LRRC4C: variants seen among roughly 807,000 people sequenced by gnomAD.
The protein encoded by LRRC4C is leucine rich repeat containing 4C.
In LRRC4C, 5 loss-of-function variants were observed where a neutral mutation model predicts 33.6. The ratio of observed to expected loss-of-function variants is 0.15; its 90% CI spans 0.08 to 0.31. The LOEUF (loss-of-function observed/expected upper bound fraction) is 0.31, where lower values mean the gene tolerates loss of function less well. Among genes scored for constraint, LRRC4C ranks in the 10% least tolerant of loss-of-function variants. The pLI, the probability that LRRC4C is intolerant of heterozygous loss-of-function variation, is 1.00. For synonymous variants in LRRC4C, 329 were observed against 302.0 expected (o/e 1.09, Z -0.93); for missense variants, 560 against 796.7 (o/e 0.70, Z 3.58).
At position 40,326,532 on chromosome 11, in the gene LRRC4C, G is replaced by A. The variant is rs574051398; in HGVS notation, c.-269-6811C>T. Among the ~76,000 whole-genome samples the A allele has an allele frequency of 6.1e-4, 89 of 145,108 alleles. No individual in the cohort carries two copies. In the Middle Eastern group the frequency reaches 0.011, roughly 17 times the overall value. On this transcript the variant is annotated intron_variant, in intron 3 of 6. Coordinates refer to ENST00000528697, the MANE Select transcript of LRRC4C (RefSeq NM_001258419.2). ...GCCAAGATCATGCCACTGCACTCCA[G>A]GCAAGACTCCTTCTCAAAAGAAAAA...
At chr11:41,152,875 C>T (rs1944061100) in intron 1 of LRRC4C, among the ~76,000 whole-genome samples, 1 of 152,106 alleles carries the variant, frequency 6.6e-6, no homozygotes, top group Non-Finnish European at 1.5e-5. Flanking sequence ...TTCCTGATCT[C>T]AACAAGCTCA....
At chr11:40,577,654 T>C (rs1383567377) in intron 3 of LRRC4C, among the ~76,000 whole-genome samples, 1 of 152,008 alleles carries the variant, frequency 6.6e-6, no homozygotes, top group Non-Finnish European at 1.5e-5. Context: ...CCAGGGATAC[T>C]GCTAAACATC....
intron 3 of LRRC4C, among the ~76,000 whole-genome samples, chr11:40,400,800 T>C (rs1453059074): frequency 6.6e-6 from 1 of 152,156 alleles, no homozygotes; most frequent in Non-Finnish European, 1.5e-5. Flanking sequence ...GGTTGGAATG[T>C]CATTCCCTCC....
intron 2 of LRRC4C, among the ~76,000 whole-genome samples, chr11:40,704,330 T>C (rs1946033069): frequency 6.6e-6 from 1 of 152,146 alleles, no homozygotes; most frequent in Non-Finnish European, 1.5e-5. Flanking sequence ...TATTTTTATA[T>C]TTGAGGTGTT....
At chr11:41,392,117 A>G (rs1953620433) in intron 1 of LRRC4C, among the ~76,000 whole-genome samples, 1 of 151,938 alleles carries the variant, frequency 6.6e-6, no homozygotes, top group African/African-American at 2.4e-5. Flanking sequence ...ACAAAGGCAT[A>G]TGTAGGCACT....
At chr11:41,205,586 T>A (rs539949642) in intron 1 of LRRC4C, among the ~76,000 whole-genome samples, 1 of 151,998 alleles carries the variant, frequency 6.6e-6, no homozygotes, top group South Asian at 2.1e-4. Flanking sequence ...CAGAGATAAA[T>A]TTGTTTGTTT....
rs542419243 is a variant in LRRC4C, at chr11:40,269,871, T to C, written c.-175-28273A>G. Among the ~76,000 whole-genome samples, 3 of 152,276 alleles carry C rather than the reference T, an allele frequency of 2.0e-5. No homozygotes were observed. The South Asian group carries it at 6.2e-4, about 32-fold the overall frequency. ...TGAGACAGATCCTAAAACATCTGGC[T>C]AATAAGTCTTTTCCTTTTGGAACTT... On this transcript the variant is annotated intron_variant, in intron 4 of 6. Transcript: ENST00000528697.
intron 1 of LRRC4C, among the ~76,000 whole-genome samples, chr11:41,264,949 A>G (rs180769118): frequency 1.3e-5 from 2 of 152,160 alleles, no homozygotes; most frequent in African/African-American, 4.8e-5. Flanking sequence ...CCTAGAATGC[A>G]GGTCTTTTGC....
At chr11:40,964,361 GT>G (rs774756139) in intron 1 of LRRC4C, among the ~76,000 whole-genome samples, 2 of 150,626 alleles carry the variant, frequency 1.3e-5, no homozygotes, top group Admixed American at 6.6e-5. Flanking sequence ...TTTAAGGGTA[GT>G]TTTTTTTTAA....
At chr11:40,573,204 T>C (rs898626688) in intron 3 of LRRC4C, among the ~76,000 whole-genome samples, 3 of 152,208 alleles carry the variant, frequency 2.0e-5, no homozygotes, top group Admixed American at 6.5e-5. Context: ...TTAAAATGAA[T>C]AGTAAGATTT....
intron 5 of LRRC4C, among the ~76,000 whole-genome samples, chr11:40,208,706 A>G (rs898544586): frequency 1.3e-5 from 2 of 152,140 alleles, no homozygotes; most frequent in Non-Finnish European, 2.9e-5. Context: ...TGCCCCAGAT[A>G]CCTCATATAT....
At chr11:40,333,081 G>C (rs1590344396) in intron 3 of LRRC4C, among the ~76,000 whole-genome samples, 1 of 152,136 alleles carries the variant, frequency 6.6e-6, no homozygotes, top group Non-Finnish European at 1.5e-5. Flanking sequence ...TATATGTGAG[G>C]TGTTGTGGAT....
At chr11:41,059,210 G>GTTGTTTTTTTTTTTT (rs71060994) in intron 1 of LRRC4C, among the ~76,000 whole-genome samples, 5 of 125,196 alleles carry the variant, frequency 4.0e-5, no homozygotes, top group Non-Finnish European at 8.1e-5. Flanking sequence ...TAAAATAAAA[G>GTTGTTTTTTTTTTTT]TTTTTTTTTT....
At chr11:41,108,997 C>A (rs1207568761) in intron 1 of LRRC4C, among the ~76,000 whole-genome samples, 2 of 152,034 alleles carry the variant, frequency 1.3e-5, no homozygotes, top group East Asian at 3.9e-4. Flanking sequence ...GTCTCAAAGT[C>A]CTTTTTTGAT....
intron 3 of LRRC4C, among the ~76,000 whole-genome samples, chr11:40,404,520 C>T (rs1949886154): frequency 6.6e-6 from 1 of 152,074 alleles, no homozygotes; most frequent in Non-Finnish European, 1.5e-5. Context: ...ATGGATAATT[C>T]CTTCTACCTC....
At chr11:41,173,811 G>A (rs1367547521) in intron 1 of LRRC4C, among the ~76,000 whole-genome samples, 1 of 152,044 alleles carries the variant, frequency 6.6e-6, no homozygotes, top group Non-Finnish European at 1.5e-5. Flanking sequence ...ATGACTCAGT[G>A]TTAAATGTTT....
intron 2 of LRRC4C, among the ~76,000 whole-genome samples, chr11:40,875,395 A>C (rs1235557978): frequency 6.6e-6 from 1 of 152,196 alleles, no homozygotes; most frequent in East Asian, 1.9e-4. Context: ...TTTCAGCAAA[A>C]ATGAACACTG....
At chr11:41,170,515 T>C (rs1407842936) in intron 1 of LRRC4C, among the ~76,000 whole-genome samples, 4 of 152,208 alleles carry the variant, frequency 2.6e-5, no homozygotes, top group Non-Finnish European at 4.4e-5. Context: ...AAGGATTCCT[T>C]ATTTAATAAA....
chr11:40,689,532 T>C (rs1403844622), intron 2 of LRRC4C, among the ~76,000 whole-genome samples: 3 of 152,144 alleles, frequency 2.0e-5, no homozygotes, highest in Admixed American at 6.6e-5. Flanking sequence ...TCATGACTTA[T>C]CTGGTTTGAA....
Sources: gnomAD v4.1 joint callset for allele counts (sites outside exome capture counted in the v4.1 genomes callset) on GRCh38, gnomAD v4.1.1 for gene constraint, MANE v1.5 for transcripts, NCBI Gene and HGNC (gene_info 2026-07-23, HGNC 2026-07-21) for gene names.